Variants in C12orf42 observed in about 807,000 individuals in gnomAD.
The protein encoded by C12orf42 is chromosome 12 open reading frame 42.
In C12orf42, 25 loss-of-function variants were observed where a neutral mutation model predicts 21.6. That is an observed-to-expected ratio of 1.16 (90% CI 0.84 to 1.62). The LOEUF is 1.62. Among genes scored for constraint, C12orf42 ranks in the 40% most tolerant of loss-of-function variants. The probability of loss-of-function intolerance (pLI) is 0.00; values close to 1 mark genes in which losing one functional copy is unlikely to be tolerated. For synonymous variants in C12orf42, 174 were observed against 175.0 expected (o/e 0.99, Z 0.05); for missense variants, 483 against 459.3 (o/e 1.05, Z -0.47).
chr12:103,526,179 G>A, the C12orf42 span, among the ~76,000 whole-genome samples: 1 of 152,168 alleles, frequency 6.6e-6, no homozygotes, highest in East Asian at 1.9e-4. Context: ...AAGAATGATA[G>A]GGAATCCTTA....
intron 4 of C12orf42, among the ~76,000 whole-genome samples, chr12:103,349,867 T>C (rs1362642529): frequency 6.6e-6 from 1 of 152,140 alleles, no homozygotes; most frequent in Admixed American, 6.6e-5. Flanking sequence ...GTCCAAATTC[T>C]AAATTATATA....
the C12orf42 span, among the ~76,000 whole-genome samples, chr12:103,095,229 C>T: frequency 6.6e-6 from 1 of 152,296 alleles, no homozygotes. Context: ...GTCATACCCT[C>T]ATTGGAAACC....
the C12orf42 span, chr12:103,163,023 CCTT>C: frequency 1.3e-5 from 2 of 152,136 alleles, no homozygotes; most frequent in African/African-American, 4.8e-5. Context: ...GAGAAAAAAT[CCTT>C]CTTTTTCCCA....
chr12:103,402,099 T>C lies in C12orf42; in HGVS notation c.79-424A>G, dbSNP rs774469422. Among the ~76,000 whole-genome samples the C allele has an allele frequency of 4.6e-5, 7 of 152,334 alleles. 1 individual carries two copies. The highest frequency in any genetic ancestry group is 2.6e-4 in the Admixed American group (4 of 15,300). ...ATCCCAGCTGAGCCCAATGCAGCCATAGTCAACCCACAGGCCCATGAACAT... is the reference window on the plus strand; with the variant it reads ...ATCCCAGCTGAGCCCAATGCAGCCACAGTCAACCCACAGGCCCATGAACAT... On this transcript the variant is annotated intron_variant, in intron 2 of 5. Coordinates refer to ENST00000548883, the MANE Select transcript of C12orf42 (RefSeq NM_198521.5).
the C12orf42 span, among the ~76,000 whole-genome samples, chr12:103,167,030 G>A: frequency 6.6e-6 from 1 of 152,154 alleles, no homozygotes; most frequent in South Asian, 2.1e-4. Context: ...AAATGTTCAC[G>A]CTTTTGAAAT....
chr12:103,513,829 G>A, the C12orf42 span, among the ~76,000 whole-genome samples: 1 of 152,044 alleles, frequency 6.6e-6, no homozygotes, highest in African/African-American at 2.4e-5. Flanking sequence ...GCCTTCTGGT[G>A]CATGCATTTC....
intron 4 of C12orf42, among the ~76,000 whole-genome samples, chr12:103,343,689 G>A (rs1488450806): frequency 1.3e-5 from 2 of 149,956 alleles, no homozygotes; most frequent in South Asian, 4.2e-4. Flanking sequence ...CAGAAGAATC[G>A]CTTGAACCCG....
chr12:103,267,388 A>T (rs1010349958), downstream of C12orf42, among the ~76,000 whole-genome samples: 1 of 152,080 alleles, frequency 6.6e-6, no homozygotes, highest in Non-Finnish European at 1.5e-5. Context: ...TAATCTAGGT[A>T]AGCATCAAAG....
At chr12:103,387,991 C>T (rs949108646) in intron 3 of C12orf42, among the ~76,000 whole-genome samples, 5 of 152,296 alleles carry the variant, frequency 3.3e-5, no homozygotes, top group African/African-American at 1.2e-4. Flanking sequence ...TGCAAGGTAA[C>T]TTACAAGGTT....
the C12orf42 span, among the ~76,000 whole-genome samples, chr12:103,188,689 C>T: frequency 6.6e-6 from 1 of 152,132 alleles, no homozygotes; most frequent in Non-Finnish European, 1.5e-5. Context: ...AAGCTGGCAC[C>T]TCCCCACCTC....
At chr12:103,505,662 A>G in the C12orf42 span, 5 of 237,734 alleles carry the variant, frequency 2.1e-5, no homozygotes, top group Non-Finnish European at 4.1e-5. Context: ...CCTGGGGGGC[A>G]TATACCAGGG....
intron 4 of C12orf42, among the ~76,000 whole-genome samples, chr12:103,313,562 C>G (rs1402331070): frequency 6.6e-6 from 1 of 152,154 alleles, no homozygotes; most frequent in Non-Finnish European, 1.5e-5. Context: ...CCTCAGTTTT[C>G]CCATTCATAA....
rs71097979 is a variant in C12orf42, at chr12:103,462,096, GTTTTTTTTT to G, written c.78+16244_78+16252del. 1.3e-3 allele frequency among the ~76,000 whole-genome samples: 35 copies of G among 27,730 alleles called. No individual in the cohort carries two copies. In the East Asian group the frequency reaches 0.032, roughly 25 times the overall value. 18.2% of individuals were successfully genotyped at this position (27,730 alleles called of 152,430 possible). On this transcript the variant is annotated intron_variant, in intron 2 of 5. Coordinates refer to ENST00000548883, the MANE Select transcript of C12orf42 (RefSeq NM_198521.5). ...CCATTTTTGTTTTGTTTTTTGCTTG[GTTTTTTTTT>G]TTTTTTTTTTTTTTTTTTTGAGACA...
chr12:103,075,921 A>T, the C12orf42 span, among the ~76,000 whole-genome samples: 1 of 152,116 alleles, frequency 6.6e-6, no homozygotes, highest in Non-Finnish European at 1.5e-5. Flanking sequence ...TGGGTGAGGG[A>T]GCTTAGAAAA....
At chr12:103,126,677 AG>A in the C12orf42 span, among the ~76,000 whole-genome samples, 1 of 151,942 alleles carries the variant, frequency 6.6e-6, no homozygotes, top group African/African-American at 2.4e-5. Flanking sequence ...AAAAAAAAAA[AG>A]GAGACAATAT....
At chr12:103,163,865 A>T in the C12orf42 span, among the ~76,000 whole-genome samples, 2 of 152,302 alleles carry the variant, frequency 1.3e-5, no homozygotes, top group East Asian at 3.9e-4. Flanking sequence ...ATTAAATGTG[A>T]TAATTATTTA....
intron 4 of C12orf42, among the ~76,000 whole-genome samples, chr12:103,353,688 C>A (rs1363291502): frequency 1.3e-5 from 2 of 152,146 alleles, no homozygotes; most frequent in African/African-American, 4.8e-5. Context: ...AACTACCCCC[C>A]AAATGCAAAT....
chr12:103,424,648 G>C (rs1473053614), intron 2 of C12orf42, among the ~76,000 whole-genome samples: 2 of 152,220 alleles, frequency 1.3e-5, no homozygotes, highest in African/African-American at 4.8e-5. Flanking sequence ...CGGATACTAT[G>C]CTTTTCCCAT....
At chr12:103,522,150 C>T in the C12orf42 span, among the ~76,000 whole-genome samples, 1 of 152,084 alleles carries the variant, frequency 6.6e-6, no homozygotes, top group Admixed American at 6.6e-5. Context: ...GGGGCTGTTT[C>T]CCCCATACTT....
Sources: allele counts gnomAD v4.1 joint callset (sites outside exome capture counted in the v4.1 genomes callset), GRCh38; gene constraint gnomAD v4.1.1; transcripts MANE v1.5; gene names NCBI Gene and HGNC (gene_info 2026-07-23, HGNC 2026-07-21).